Variants in CWF19L2 observed in about 807,000 individuals in gnomAD.
CWF19L2 encodes the protein CWF19 like cell cycle control factor 2.
CWF19L2 carries 98 observed loss-of-function variants against 111.7 expected under a neutral mutation model. The observed-to-expected ratio is 0.88, with a 90% CI of 0.75 to 1.04. The LOEUF (loss-of-function observed/expected upper bound fraction) is 1.04, where lower values mean the gene tolerates loss of function less well. Ranked by LOEUF, CWF19L2 falls within the 50% of genes least tolerant of loss-of-function variation. The pLI, the probability that CWF19L2 is intolerant of heterozygous loss-of-function variation, is 0.00. For synonymous variants in CWF19L2, 351 were observed against 342.9 expected, an observed-to-expected ratio of 1.02 and a Z score of -0.26; for missense variants, 1,101 against 1,051.4, an observed-to-expected ratio of 1.05 and a Z score of -0.65.
intron 14 of CWF19L2, among the ~76,000 whole-genome samples, chr11:107,340,541 A>G (rs1452122869): frequency 1.3e-5 from 2 of 152,200 alleles, no homozygotes; most frequent in Non-Finnish European, 2.9e-5. Flanking sequence ...CCCTCCACCA[A>G]TATCACATAG....
rs767099135 is a variant in CWF19L2 at position 107,402,871 on chromosome 11, G to GTATATATATATATATATATATATATA, written c.1618-9977_1618-9976insTATATATATATATATATATATATATA. 2.9e-3 allele frequency among the ~76,000 whole-genome samples: 168 copies of GTATATATATATATATATATATATATA among 57,012 alleles called. 27 individuals are homozygous for GTATATATATATATATATATATATATA. Among genetic ancestry groups the GTATATATATATATATATATATATATA allele is most frequent in the Non-Finnish European group, 3.4e-3 (115 of 33,620 alleles). The allele number at this position is 57,012 out of a possible 152,430, so 37.4% of individuals were successfully genotyped here. A position where few individuals can be genotyped will look rare whatever the true frequency, so the allele number is the denominator to read the frequency against. On this transcript the variant is annotated intron_variant, in intron 10 of 17. Transcript: ENST00000282251. ...AACGAGTGGATAAACAAACTGTGGT[G>GTATATATATATATATATATATATATA]TGTATATATATATATATATATATAT...
intron 3 of CWF19L2, among the ~76,000 whole-genome samples, chr11:107,446,077 TCTACCTGA>T (rs1861698438): frequency 6.6e-6 from 1 of 152,230 alleles, no homozygotes; most frequent in Non-Finnish European, 1.5e-5. Context: ...CCCTAGACTG[TCTACCTGA>T]CTTATTTCAT....
At position 107,441,572 on chromosome 11, in the gene CWF19L2, T is replaced by A. The variant is rs773745598; in HGVS notation, c.501A>T (p.Ser167=). The A allele has an allele frequency of 3.2e-5, 49 of 1,550,994 alleles. 1 individual carries two copies. The South Asian group carries it at 5.4e-4, about 17-fold the overall frequency. The change falls in exon 5 of 18, where the codon TCA becomes TCT. Residue 167 remains serine, a synonymous_variant. Coordinates refer to ENST00000282251, the MANE Select transcript of CWF19L2 (RefSeq NM_152434.3). Reference sequence around the variant, plus strand: ...TTTCCTTTTCAGCTTTGAGTGATGATGATGACACAGTTTTAACAGACATAA... The same window carrying A: ...TTTCCTTTTCAGCTTTGAGTGATGAAGATGACACAGTTTTAACAGACATAA... ...VDFMSVKTVS[S]SSLKAEKETM... is the part of the protein sequence containing the mutation.
At chr11:107,414,979 G>C (rs796462579) in intron 10 of CWF19L2, among the ~76,000 whole-genome samples, 2 of 152,066 alleles carry the variant, frequency 1.3e-5, no homozygotes, top group East Asian at 1.9e-4. Context: ...ATCCAGAATG[G>C]TCCTGTCAAA....
intron 7 of CWF19L2, 65 bp from the exon 8 acceptor site, chr11:107,429,516 C>T (rs1278208788): frequency 2.3e-6 from 3 of 1,297,330 alleles, no homozygotes; most frequent in East Asian, 2.5e-5. Flanking sequence ...TTGCACCCCA[C>T]ATGTCACTGT....
intron 12 of CWF19L2, among the ~76,000 whole-genome samples, chr11:107,389,108 A>G (rs1309362739): frequency 2.6e-5 from 4 of 152,242 alleles, no homozygotes; most frequent in Non-Finnish European, 5.9e-5. Flanking sequence ...GTGAATATTA[A>G]AAGTTAAAAA....
At chr11:107,379,450 C>T (rs1414001223) in intron 12 of CWF19L2, among the ~76,000 whole-genome samples, 1 of 152,230 alleles carries the variant, frequency 6.6e-6, no homozygotes, top group Non-Finnish European at 1.5e-5. Flanking sequence ...ATCAATAGCG[C>T]TAAGGCTGTG....
intron 8 of CWF19L2, among the ~76,000 whole-genome samples, chr11:107,423,381 T>C (rs1412148326): frequency 6.6e-6 from 1 of 152,002 alleles, no homozygotes; most frequent in Non-Finnish European, 1.5e-5. Context: ...CATGTATGTA[T>C]AACACAAATT....
At chr11:107,327,820 A>C (rs566485747) in intron 17 of CWF19L2, among the ~76,000 whole-genome samples, 1 of 152,146 alleles carries the variant, frequency 6.6e-6, no homozygotes, top group Non-Finnish European at 1.5e-5. Flanking sequence ...AAAACAAAAA[A>C]CAAAACAACA....
At chr11:107,352,505 G>A (rs993305700) in intron 13 of CWF19L2, among the ~76,000 whole-genome samples, 2 of 152,016 alleles carry the variant, frequency 1.3e-5, no homozygotes, top group African/African-American at 4.8e-5. Flanking sequence ...AAAAATAGAT[G>A]ACTAGAATCA....
At chr11:107,400,542 A>G (rs1200938982) in intron 10 of CWF19L2, among the ~76,000 whole-genome samples, 3 of 152,146 alleles carry the variant, frequency 2.0e-5, no homozygotes, top group Non-Finnish European at 2.9e-5. Flanking sequence ...GAACAGACCA[A>G]TAACAAGCAG....
chr11:107,426,401 T>C (rs1475607445), intron 8 of CWF19L2, among the ~76,000 whole-genome samples: 2 of 151,950 alleles, frequency 1.3e-5, no homozygotes, highest in African/African-American at 4.8e-5. Context: ...AATTGGTTAA[T>C]ACTGCAAAAT....
chr11:107,344,017 C>A (rs1860043000), intron 14 of CWF19L2, among the ~76,000 whole-genome samples: 1 of 152,130 alleles, frequency 6.6e-6, no homozygotes, highest in Admixed American at 6.5e-5. Context: ...GAGTTCAAGA[C>A]CAGCCTGGCC....
intron 16 of CWF19L2, among the ~76,000 whole-genome samples, chr11:107,330,871 A>T (rs1038773703): frequency 6.6e-6 from 1 of 152,052 alleles, no homozygotes; most frequent in Non-Finnish European, 1.5e-5. Context: ...GTACTTACTT[A>T]TTTGGGCAGT....
At chr11:107,442,254 A>G (rs1440117122) in intron 4 of CWF19L2, among the ~76,000 whole-genome samples, 1 of 152,226 alleles carries the variant, frequency 6.6e-6, no homozygotes, top group Non-Finnish European at 1.5e-5. Flanking sequence ...CTAAACATTC[A>G]GCAAACAGCA....
In CWF19L2 at chr11:107,330,093, T is replaced by G. The variant is rs1305269934; in HGVS notation, c.2440-74A>C. ...GTTATGTTTAATCCCTCCCCTCTTC[T>G]CTGGAAGGACAGTAATCTTAAGCAT... On this transcript the variant is annotated intron_variant, in intron 16 of 17. Coordinates refer to ENST00000282251, the MANE Select transcript of CWF19L2 (RefSeq NM_152434.3). 7.1e-5 allele frequency: 56 copies of G among 791,098 alleles called. 1 individual carries two copies. The Admixed American group carries it at 1.3e-3, about 18-fold the overall frequency. 49.0% of individuals were successfully genotyped at this position (791,098 alleles called of 1,614,324 possible).
chr11:107,427,158 C>T (rs1459591875), intron 8 of CWF19L2, among the ~76,000 whole-genome samples: 1 of 151,956 alleles, frequency 6.6e-6, no homozygotes, highest in East Asian at 1.9e-4. Context: ...TTATTTGTAA[C>T]AACTAGGCAT....
chr11:107,418,573 C>T (rs74711834), intron 8 of CWF19L2, among the ~76,000 whole-genome samples: 2,571 of 152,178 alleles, frequency 0.017, 26 homozygotes, highest in South Asian at 0.038. Context: ...TCCCCATACT[C>T]GTAACTTTAA....
intron 7 of CWF19L2, among the ~76,000 whole-genome samples, chr11:107,429,766 G>A (rs1343927253): frequency 1.4e-5 from 2 of 145,998 alleles, no homozygotes; most frequent in Non-Finnish European, 3.0e-5. Flanking sequence ...CCTACTGGTT[G>A]TGAGATTCAA....
Sources: allele counts gnomAD v4.1 joint callset (sites outside exome capture counted in the v4.1 genomes callset), GRCh38; gene constraint gnomAD v4.1.1; transcripts MANE v1.5; gene names NCBI Gene and HGNC (gene_info 2026-07-23, HGNC 2026-07-21).